ARL15: variants seen among roughly 807,000 people sequenced by gnomAD.
ARL15 encodes the protein ADP-ribosylation factor-like protein 15.
Under a neutral mutation model 25.2 loss-of-function variants are expected in ARL15, and 19 were observed. The observed-to-expected ratio is 0.75, with a 90% CI of 0.53 to 1.10. ARL15 has a LOEUF of 1.10. Ranked by LOEUF, ARL15 falls within the 50% of genes least tolerant of loss-of-function variation. The probability of loss-of-function intolerance (pLI) is 0.00; values close to 1 mark genes in which losing one functional copy is unlikely to be tolerated. For missense variants in ARL15, 220 were observed against 246.0 expected, an observed-to-expected ratio of 0.89 and a Z score of 0.71; for synonymous variants, 94 against 86.8, an observed-to-expected ratio of 1.08 and a Z score of -0.46.
chr5:54,276,243 G>A (rs1757926850), intron 1 of ARL15, among the ~76,000 whole-genome samples: 2 of 152,132 alleles, frequency 1.3e-5, no homozygotes, highest in African/African-American at 4.8e-5. Flanking sequence ...TATAATGACT[G>A]CAGACATCTC....
At chr5:53,961,495 CAAAAAAAA>C (rs10589852) in intron 4 of ARL15, among the ~76,000 whole-genome samples, 1 of 68,876 alleles carries the variant, frequency 1.5e-5, no homozygotes, top group South Asian at 6.4e-4. Context: ...GACTCTGTCT[CAAAAAAAA>C]AAAAAAAAAA....
chr5:54,117,550 G>C (rs566737643), intron 3 of ARL15, among the ~76,000 whole-genome samples: 1 of 152,104 alleles, frequency 6.6e-6, no homozygotes, highest in Non-Finnish European at 1.5e-5. Flanking sequence ...GGCAGTAAAA[G>C]TTATTATTTT....
intron 4 of ARL15, among the ~76,000 whole-genome samples, chr5:54,031,552 G>A (rs983111437): frequency 1.3e-5 from 2 of 152,118 alleles, no homozygotes; most frequent in African/African-American, 4.8e-5. Flanking sequence ...CAGACCATGC[G>A]ACCTGTTGCT....
At chr5:53,931,862 T>C (rs1021725269) in intron 4 of ARL15, among the ~76,000 whole-genome samples, 13 of 152,224 alleles carry the variant, frequency 8.5e-5, no homozygotes, top group African/African-American at 3.1e-4. Flanking sequence ...GTCTTTTAAG[T>C]AAGCCTGTAG....
intron 4 of ARL15, among the ~76,000 whole-genome samples, chr5:54,030,659 C>T (rs1749951903): frequency 6.6e-6 from 1 of 152,084 alleles, no homozygotes; most frequent in African/African-American, 2.4e-5. Context: ...GAGAGAGAAC[C>T]AGTGGGATAA....
chr5:54,012,477 C>T (rs955221623), intron 4 of ARL15, among the ~76,000 whole-genome samples: 9 of 152,026 alleles, frequency 5.9e-5, no homozygotes, highest in African/African-American at 2.2e-4. Context: ...TGCATTTAAC[C>T]CAGGCTATGC....
rs549876140 is a variant in ARL15, at chr5:54,265,008, C to G, written c.48+45424G>C. ...GGTTTTATGCCAACTGCCTCAAGTA[C>G]CATGCCATAGTTAAATGTTCAACAC... is the stretch of plus-strand genomic sequence containing the variant. On this transcript the variant is annotated intron_variant, in intron 1 of 4. Coordinates refer to ENST00000504924, the MANE Select transcript of ARL15 (RefSeq NM_019087.3). Among the ~76,000 whole-genome samples, 8 of 152,290 alleles carry G rather than the reference C, an allele frequency of 5.3e-5. No homozygotes were observed. In the South Asian group the frequency reaches 1.7e-3, roughly 32 times the overall value.
chr5:54,259,449 T>C (rs1579958940), intron 1 of ARL15, among the ~76,000 whole-genome samples: 1 of 152,310 alleles, frequency 6.6e-6, no homozygotes, highest in South Asian at 2.1e-4. Context: ...TCAACATTTC[T>C]ATTAGCTTAT....
At chr5:54,095,023 C>G (rs1752242858) in intron 4 of ARL15, among the ~76,000 whole-genome samples, 1 of 152,150 alleles carries the variant, frequency 6.6e-6, no homozygotes, top group African/African-American at 2.4e-5. Context: ...ACTCGAAATT[C>G]TTTTGAGAAC....
intron 1 of ARL15, among the ~76,000 whole-genome samples, chr5:54,309,269 T>TC (rs1437912612): frequency 6.6e-6 from 1 of 152,234 alleles, no homozygotes; most frequent in Non-Finnish European, 1.5e-5. Flanking sequence ...CACCATCCTT[T>TC]CCCACAAGAC....
intron 4 of ARL15, among the ~76,000 whole-genome samples, chr5:53,927,828 G>A (rs1746076862): frequency 6.6e-6 from 1 of 152,152 alleles, no homozygotes. Context: ...AGCCTGTAGG[G>A]AAGTGGTCTC....
chr5:54,121,317 T>C (rs1338214113), intron 3 of ARL15, among the ~76,000 whole-genome samples: 1 of 152,166 alleles, frequency 6.6e-6, no homozygotes, highest in African/African-American at 2.4e-5. Flanking sequence ...ATCAGAGCTC[T>C]TAAAATGAGA....
chr5:54,296,410 G>A (rs1000174085), intron 1 of ARL15, among the ~76,000 whole-genome samples: 4 of 152,264 alleles, frequency 2.6e-5, no homozygotes, highest in Admixed American at 6.5e-5. Context: ...AAACAGGCAC[G>A]GAGGCTGCAG....
chr5:54,170,379 T>C (rs1347480114), intron 2 of ARL15, among the ~76,000 whole-genome samples: 2 of 152,180 alleles, frequency 1.3e-5, no homozygotes, highest in African/African-American at 2.4e-5. Flanking sequence ...TCTTCTCAAA[T>C]GGACATCTGA....
At chr5:54,111,025 A>C (rs370009382) in intron 4 of ARL15, among the ~76,000 whole-genome samples, 6 of 152,148 alleles carry the variant, frequency 3.9e-5, no homozygotes, top group African/African-American at 1.4e-4. Flanking sequence ...AAGTATAACC[A>C]TGTCACTGTG....
intron 1 of ARL15, among the ~76,000 whole-genome samples, chr5:54,208,529 T>C (rs1413890525): frequency 6.6e-6 from 1 of 152,108 alleles, no homozygotes; most frequent in Non-Finnish European, 1.5e-5. Context: ...GTACTTCAGA[T>C]ACAAAATGTT....
chr5:54,026,431 G>A (rs1176116349), intron 4 of ARL15, among the ~76,000 whole-genome samples: 4 of 152,006 alleles, frequency 2.6e-5, no homozygotes, highest in East Asian at 3.9e-4. Flanking sequence ...CACAATGCCC[G>A]GCTAATGTTT....
chr5:54,105,730 G>A (rs113257677), intron 4 of ARL15, among the ~76,000 whole-genome samples: 22 of 152,082 alleles, frequency 1.4e-4, no homozygotes, highest in South Asian at 8.3e-4. Context: ...CTACAGGGGC[G>A]CGCCACCATG....
chr5:53,890,148 T>A (rs543524006), intron 4 of ARL15, among the ~76,000 whole-genome samples: 1 of 152,282 alleles, frequency 6.6e-6, no homozygotes, highest in South Asian at 2.1e-4. Flanking sequence ...CTTATATCAA[T>A]CTGAAATTCA....
Sources: allele counts gnomAD v4.1 joint callset (sites outside exome capture counted in the v4.1 genomes callset), GRCh38; gene constraint gnomAD v4.1.1; transcripts MANE v1.5; gene names NCBI Gene and HGNC (gene_info 2026-07-23, HGNC 2026-07-21).